Variants in FRAS1 observed in about 807,000 individuals in gnomAD.
FRAS1 encodes extracellular matrix organizing protein FRAS1.
In FRAS1, 290 loss-of-function variants were observed where a neutral mutation model predicts 435.2. That is an observed-to-expected ratio of 0.67 (90% CI 0.61 to 0.73). The LOEUF (loss-of-function observed/expected upper bound fraction) is 0.73, where lower values mean the gene tolerates loss of function less well. Ranked by LOEUF, FRAS1 falls within the 30% of genes least tolerant of loss-of-function variation. The pLI, the probability that FRAS1 is intolerant of heterozygous loss-of-function variation, is 0.00. For missense variants in FRAS1, 4,860 were observed against 5,001.5 expected, an observed-to-expected ratio of 0.97 and a Z score of 0.85; for synonymous variants, 1,800 against 1,851.0, an observed-to-expected ratio of 0.97 and a Z score of 0.71.
intron 29 of FRAS1, among the ~76,000 whole-genome samples, chr4:78,397,938 C>T (rs898171889): frequency 6.6e-6 from 1 of 151,950 alleles, no homozygotes; most frequent in Non-Finnish European, 1.5e-5. Context: ...GTGTTTCTTA[C>T]CCTCTTCAAT....
chr4:78,226,197 G>T (rs1724262939), intron 2 of FRAS1, among the ~76,000 whole-genome samples: 1 of 151,726 alleles, frequency 6.6e-6, no homozygotes, highest in Non-Finnish European at 1.5e-5. Flanking sequence ...TGTGCATTTT[G>T]TATTTACACA....
At chr4:78,301,407 G>C (rs1424999525) in intron 14 of FRAS1, among the ~76,000 whole-genome samples, 1 of 151,818 alleles carries the variant, frequency 6.6e-6, no homozygotes, top group Non-Finnish European at 1.5e-5. Context: ...CTGAAGAGGA[G>C]AATATTTTAA....
At chr4:78,098,427 A>C in intron 2 of FRAS1, among the ~76,000 whole-genome samples, 1 of 151,890 alleles carries the variant, frequency 6.6e-6, no homozygotes, top group Middle Eastern at 3.2e-3. Flanking sequence ...GATGCACACC[A>C]CTACAGCTGG....
Position 78,200,657 on chromosome 4 carries a change from A to AT in FRAS1, c.109-36843dup, listed in dbSNP as rs916664104. 4.3e-3 allele frequency among the ~76,000 whole-genome samples: 634 copies of AT among 147,120 alleles called. 4 individuals carry two copies. Among genetic ancestry groups the AT allele is most frequent in the East Asian group, 0.035 (178 of 5,104 alleles). On this transcript the variant is annotated intron_variant, in intron 2 of 73. Coordinates refer to ENST00000512123, the MANE Select transcript of FRAS1 (RefSeq NM_025074.7). ...AAGTTTGTTCTGGGCCCTGTATTGCATTTTTTTTTTCCAGACTAGTAGCTA... is the reference window on the plus strand; with the variant it reads ...AAGTTTGTTCTGGGCCCTGTATTGCATTTTTTTTTTTCCAGACTAGTAGCTA...
intron 14 of FRAS1, among the ~76,000 whole-genome samples, chr4:78,302,552 T>G (rs1195916662): frequency 6.6e-6 from 1 of 152,186 alleles, no homozygotes; most frequent in Non-Finnish European, 1.5e-5. Flanking sequence ...CCATTCTAAC[T>G]GGTGTGAGAT....
rs181718542 is a variant in FRAS1 at position 78,232,412 on chromosome 4, A to G, written c.109-5098A>G. Among the ~76,000 whole-genome samples the G allele has an allele frequency of 2.8e-3, 424 of 152,042 alleles. 5 individuals are homozygous for G. The highest frequency in any genetic ancestry group is 3.5e-3 in the Non-Finnish European group (241 of 67,966). On this transcript the variant is annotated intron_variant, in intron 2 of 73. Coordinates refer to ENST00000512123, the MANE Select transcript of FRAS1 (RefSeq NM_025074.7). ...GCCATTCTCCTGCCTCAGCCTCCCA[A>G]GTAGCTGGGACTACAGGCGCCCGCC...
intron 29 of FRAS1, among the ~76,000 whole-genome samples, chr4:78,397,308 A>G (rs148777288): frequency 5.9e-5 from 9 of 152,240 alleles, no homozygotes; most frequent in Middle Eastern, 6.8e-3. Context: ...TTATGATGGT[A>G]TGTCTTCTCT....
rs771361328 is a variant in FRAS1 at position 78,473,489 on chromosome 4, G to A, written c.7574G>A (p.Arg2525His). Residue 2525 changes from arginine to histidine, a missense_variant, in exon 53 of 74, where the codon CGT (arginine) becomes CAT (histidine). Coordinates refer to ENST00000512123, the MANE Select transcript of FRAS1 (RefSeq NM_025074.7). ...TATGTGTTGCACAAGGAGAAGATCC[G>A]TGAGATGATGGATAGTTTTCAGTTT... ...IRYVLHKEKI[R>H]EMMDSFQFLV... is the part of the protein sequence containing the mutation. 64 of 1,613,300 alleles carry A rather than the reference G, an allele frequency of 4.0e-5. No individual in the cohort carries two copies. The highest frequency in any genetic ancestry group is 3.7e-4 in the Admixed American group (22 of 59,970).
At chr4:78,117,478 G>A (rs547907307) in intron 2 of FRAS1, among the ~76,000 whole-genome samples, 9 of 152,282 alleles carry the variant, frequency 5.9e-5, no homozygotes, top group Middle Eastern at 3.4e-3. Flanking sequence ...CCAATCAGAC[G>A]TAGATTTGGT....
chr4:78,258,628 T>TC (rs1725911572), intron 6 of FRAS1, among the ~76,000 whole-genome samples: 1 of 148,472 alleles, frequency 6.7e-6, no homozygotes. Flanking sequence ...CTTTTCTTTT[T>TC]TTTTTTTTAG....
At chr4:78,425,096 T>A (rs1391967790) in intron 35 of FRAS1, among the ~76,000 whole-genome samples, 3 of 111,492 alleles carry the variant, frequency 2.7e-5, no homozygotes, top group Non-Finnish European at 5.6e-5. Context: ...CATTCTTAAA[T>A]GGGGATAATA....
chr4:78,417,890 A>G (rs1283661019), intron 32 of FRAS1, among the ~76,000 whole-genome samples: 1 of 152,230 alleles, frequency 6.6e-6, no homozygotes, highest in East Asian at 1.9e-4. Context: ...GGAAGAGCCC[A>G]TGATGAGCTG....
intron 2 of FRAS1, among the ~76,000 whole-genome samples, chr4:78,079,288 T>C (rs1354137752): frequency 6.6e-6 from 1 of 151,944 alleles, no homozygotes; most frequent in African/African-American, 2.4e-5. Context: ...AAGGAATCAG[T>C]GGAGAGAAAG....
At position 78,448,159 on chromosome 4, in the gene FRAS1, G is replaced by A. The variant is rs761165520; in HGVS notation, c.6117G>A (p.Gly2039=). ...AGGATATCCTAGCTGGGCTGGTTGGGTATGTGCCTAGTGTCCCTGGCATGG... is the reference window on the plus strand; with the variant it reads ...AGGATATCCTAGCTGGGCTGGTTGGATATGTGCCTAGTGTCCCTGGCATGG... The part of the protein sequence containing the change: ...TYQDILAGLV[G]YVPSVPGMVV... The change falls in exon 44 of 74, where the codon GGG becomes GGA. Residue 2039 remains glycine (G), a synonymous_variant. Coordinates refer to ENST00000512123, the MANE Select transcript of FRAS1 (RefSeq NM_025074.7). The A allele has an allele frequency of 1.2e-6, 2 of 1,613,740 alleles. No individual in the cohort carries two copies. The highest frequency in any genetic ancestry group is 1.7e-5 in the Admixed American group (1 of 59,976).
intron 46 of FRAS1, 139 bp from the exon 47 acceptor site, chr4:78,452,036 G>A (rs554254738): frequency 8.9e-6 from 11 of 1,235,076 alleles, no homozygotes; most frequent in South Asian, 5.9e-5. Context: ...TTTATTGCAC[G>A]AAGCCCTGGC....
In FRAS1 at chr4:78,252,579, C is replaced by T. The variant is rs781430233; in HGVS notation, c.469+28C>T. 1.0e-5 allele frequency: 16 copies of T among 1,597,730 alleles called. No individual in the cohort carries two copies. In the African/African-American group the frequency reaches 1.5e-4, roughly 15 times the overall value. On this transcript the variant is annotated intron_variant, in intron 5 of 73. Transcript: ENST00000512123. ...GAGTATGAGCTTGTAGAAGGGGACC[C>T]TCTTTGCTTGGGAGGTTCACATGGC...
intron 2 of FRAS1, among the ~76,000 whole-genome samples, chr4:78,174,411 T>C (rs1383956751): frequency 6.6e-6 from 1 of 152,190 alleles, no homozygotes; most frequent in Non-Finnish European, 1.5e-5. Flanking sequence ...GAGAAGAAGA[T>C]AATGAGATGT....
intron 5 of FRAS1, 71 bp from the exon 6 acceptor site, chr4:78,255,171 C>T (rs1017647): frequency 0.98 from 1,472,738 of 1,495,274 alleles, 726,652 homozygotes; most frequent in Non-Finnish European, 1. Flanking sequence ...ACTGGCTGCA[C>T]GCCCATGCAG....
chr4:78,478,090 C>A, intron 55 of FRAS1, 29 bp downstream of exon 55: 1 of 1,538,406 alleles, frequency 6.5e-7, no homozygotes, highest in Non-Finnish European at 8.8e-7. Context: ...TGACAAAGAG[C>A]TATAATAATT....
Sources: gnomAD v4.1 joint callset for allele counts (sites outside exome capture counted in the v4.1 genomes callset) on GRCh38, gnomAD v4.1.1 for gene constraint, MANE v1.5 for transcripts, NCBI Gene and HGNC (gene_info 2026-07-23, HGNC 2026-07-21) for gene names.